LRRTM4: variants seen among roughly 807,000 people sequenced by gnomAD.
The protein encoded by LRRTM4 is leucine rich repeat transmembrane neuronal 4, also known as leucine-rich repeat transmembrane neuronal protein 4.
In LRRTM4, 25 loss-of-function variants were observed where a neutral mutation model predicts 47.6. That is an observed-to-expected ratio of 0.53 (90% CI 0.38 to 0.73). The LOEUF is 0.73. LRRTM4 is among the 30% of genes least tolerant of loss of function. The pLI is 0.00. For synonymous variants in LRRTM4, 311 were observed against 269.5 expected, an observed-to-expected ratio of 1.15 and a Z score of -1.51; for missense variants, 638 against 713.4, an observed-to-expected ratio of 0.89 and a Z score of 1.20.
chr2:77,484,297 C>T (rs1216429251), intron 3 of LRRTM4, among the ~76,000 whole-genome samples: 1 of 152,170 alleles, frequency 6.6e-6, no homozygotes, highest in Non-Finnish European at 1.5e-5. Flanking sequence ...GCTAATGTAT[C>T]TGATATATTC....
chr2:77,502,217 CATT>C, intron 3 of LRRTM4, among the ~76,000 whole-genome samples: 1 of 151,384 alleles, frequency 6.6e-6, no homozygotes, highest in South Asian at 2.1e-4. Flanking sequence ...AATTCACTTA[CATT>C]ATTATTTTTG....
chr2:76,849,766 A>C (rs1430426565), intron 3 of LRRTM4, among the ~76,000 whole-genome samples: 1 of 152,178 alleles, frequency 6.6e-6, no homozygotes, highest in African/African-American at 2.4e-5. Flanking sequence ...TGTATTTTAT[A>C]ATTAAAGGTT....
intron 3 of LRRTM4, among the ~76,000 whole-genome samples, chr2:77,276,718 T>C (rs964472792): frequency 2.2e-5 from 3 of 136,614 alleles, no homozygotes; most frequent in Non-Finnish European, 3.2e-5. Context: ...TATATATATA[T>C]ATATATATAT....
intron 3 of LRRTM4, among the ~76,000 whole-genome samples, chr2:77,424,529 T>C (rs1173593092): frequency 6.6e-6 from 1 of 152,196 alleles, no homozygotes; most frequent in East Asian, 1.9e-4. Flanking sequence ...AATAGTTTGA[T>C]TTTTAACCAA....
chr2:77,060,744 T>C (rs1679759839), intron 3 of LRRTM4, among the ~76,000 whole-genome samples: 1 of 152,144 alleles, frequency 6.6e-6, no homozygotes, highest in South Asian at 2.1e-4. Flanking sequence ...GTAAGTGCAA[T>C]GTATCTTAAG....
At chr2:76,814,655 T>C (rs1295200351) in intron 3 of LRRTM4, among the ~76,000 whole-genome samples, 1 of 152,118 alleles carries the variant, frequency 6.6e-6, no homozygotes, top group Non-Finnish European at 1.5e-5. Context: ...GTGTAGGTTA[T>C]ATGTAAATAC....
chr2:77,407,650 TTATATAATTA>T (rs1169765705), intron 3 of LRRTM4, among the ~76,000 whole-genome samples: 1 of 135,768 alleles, frequency 7.4e-6, no homozygotes, highest in Non-Finnish European at 1.5e-5. Flanking sequence ...ATAATATATA[TTATATAATTA>T]TATATAATAA....
chr2:76,824,360 T>G (rs1671135019), intron 3 of LRRTM4, among the ~76,000 whole-genome samples: 1 of 151,644 alleles, frequency 6.6e-6, no homozygotes, highest in South Asian at 2.1e-4. Flanking sequence ...AACTTGTGTT[T>G]GTATCTGCAT....
intron 3 of LRRTM4, among the ~76,000 whole-genome samples, chr2:77,034,725 G>C (rs1414823187): frequency 6.6e-6 from 1 of 151,936 alleles, no homozygotes; most frequent in African/African-American, 2.4e-5. Flanking sequence ...TCTGCAGGAA[G>C]TGTATCACGT....
chr2:77,062,504 G>T (rs146152001), intron 3 of LRRTM4, among the ~76,000 whole-genome samples: 3 of 152,242 alleles, frequency 2.0e-5, no homozygotes, highest in East Asian at 1.9e-4. Flanking sequence ...TGAGTAATCT[G>T]ATCTGGTAAT....
At chr2:77,449,178 G>A (rs1676162298) in intron 3 of LRRTM4, among the ~76,000 whole-genome samples, 1 of 152,126 alleles carries the variant, frequency 6.6e-6, no homozygotes, top group African/African-American at 2.4e-5. Context: ...TAACCAACAT[G>A]AATATGCGTT....
chr2:77,081,439 T>C (rs2103856572), intron 3 of LRRTM4, among the ~76,000 whole-genome samples: 1 of 152,120 alleles, frequency 6.6e-6, no homozygotes, highest in Non-Finnish European at 1.5e-5. Context: ...ACATAGAAAG[T>C]TAATGAATAG....
At chr2:77,506,841 C>T (rs1238678445) in intron 3 of LRRTM4, among the ~76,000 whole-genome samples, 1 of 151,904 alleles carries the variant, frequency 6.6e-6, no homozygotes, top group East Asian at 1.9e-4. Context: ...AAAGATGACA[C>T]ATCTTAGGAA....
chr2:77,460,661 T>G (rs955628432), intron 3 of LRRTM4, among the ~76,000 whole-genome samples: 1 of 152,202 alleles, frequency 6.6e-6, no homozygotes, highest in South Asian at 2.1e-4. Flanking sequence ...TGGTGCATTC[T>G]CTTAGATATA....
At chr2:77,078,980 G>T (rs564869203) in intron 3 of LRRTM4, among the ~76,000 whole-genome samples, 16 of 152,254 alleles carry the variant, frequency 1.1e-4, no homozygotes, top group African/African-American at 3.9e-4. Context: ...GGGCTCCCTT[G>T]AGCCTATTTT....
chr2:77,316,905 G>C (rs1364870247), intron 3 of LRRTM4, among the ~76,000 whole-genome samples: 2 of 152,176 alleles, frequency 1.3e-5, no homozygotes, highest in African/African-American at 4.8e-5. Flanking sequence ...AATTGTGCCT[G>C]CCTTGCAATT....
At chr2:77,005,231 G>A (rs1677594933) in intron 3 of LRRTM4, among the ~76,000 whole-genome samples, 1 of 152,078 alleles carries the variant, frequency 6.6e-6, no homozygotes, top group Non-Finnish European at 1.5e-5. Context: ...TGCAACCTCT[G>A]CTGCCCTGGT....
At chr2:76,927,942 A>G (rs962711092) in intron 3 of LRRTM4, among the ~76,000 whole-genome samples, 1 of 152,166 alleles carries the variant, frequency 6.6e-6, no homozygotes, top group Non-Finnish European at 1.5e-5. Flanking sequence ...ATTACTTCAG[A>G]AGCCTTGTTC....
intron 3 of LRRTM4, among the ~76,000 whole-genome samples, chr2:77,203,770 G>C (rs760505438): frequency 6.6e-6 from 1 of 152,166 alleles, no homozygotes; most frequent in Non-Finnish European, 1.5e-5. Context: ...CCAGTGCATG[G>C]TAACACCTCT....
Sources: allele counts gnomAD v4.1 joint callset (sites outside exome capture counted in the v4.1 genomes callset), GRCh38; gene constraint gnomAD v4.1.1; transcripts MANE v1.5; gene names NCBI Gene and HGNC (gene_info 2026-07-23, HGNC 2026-07-21).